The following FCHO2 variants were observed in gnomAD, a reference collection of about 807,000 sequenced individuals.
The protein encoded by FCHO2 is FCH and mu domain containing endocytic adaptor 2.
A neutral mutation model predicts 114.1 loss-of-function variants in FCHO2; 43 were observed. That is an observed-to-expected ratio of 0.38 (90% CI 0.30 to 0.49). The LOEUF (loss-of-function observed/expected upper bound fraction) is 0.49. Ranked by LOEUF, FCHO2 falls within the 20% of genes least tolerant of loss-of-function variation. The pLI, the probability that FCHO2 is intolerant of heterozygous loss-of-function variation, is 0.97. For missense variants in FCHO2, 807 were observed against 950.4 expected (o/e 0.85, Z 1.98); for synonymous variants, 293 against 315.2 (o/e 0.93, Z 0.75).
chr5:72,960,819 TTAC>T (rs1345751753), intron 1 of FCHO2, among the ~76,000 whole-genome samples: 3 of 152,160 alleles, frequency 2.0e-5, no homozygotes, highest in Non-Finnish European at 4.4e-5. Context: ...AATCTTCATT[TTAC>T]AGAGTAATCC....
chr5:72,968,224 A>G (rs1752312809), intron 1 of FCHO2, among the ~76,000 whole-genome samples: 1 of 152,198 alleles, frequency 6.6e-6, no homozygotes, highest in Admixed American at 6.5e-5. Flanking sequence ...ACACCCGGTC[A>G]CAACTTAATT....
At chr5:73,027,546 A>G (rs1030049522) in intron 8 of FCHO2, among the ~76,000 whole-genome samples, 9 of 152,126 alleles carry the variant, frequency 5.9e-5, no homozygotes, top group Non-Finnish European at 1.0e-4. Context: ...GAAGTTTTGT[A>G]GTTTAGAAGG....
At chr5:72,964,901 A>G (rs1167448686) in intron 1 of FCHO2, among the ~76,000 whole-genome samples, 1 of 152,006 alleles carries the variant, frequency 6.6e-6, no homozygotes, top group East Asian at 1.9e-4. Flanking sequence ...TTGAAATCTC[A>G]CTGTGTCCTG....
intron 1 of FCHO2, among the ~76,000 whole-genome samples, chr5:72,958,046 T>TC (rs1409889703): frequency 6.6e-6 from 1 of 151,898 alleles, no homozygotes; most frequent in East Asian, 1.9e-4. Flanking sequence ...TGTAAGAGTT[T>TC]TTTTTTTTTT....
intron 2 of FCHO2, among the ~76,000 whole-genome samples, chr5:72,970,782 GCT>G (rs1752501963): frequency 6.6e-6 from 1 of 151,588 alleles, no homozygotes; most frequent in Non-Finnish European, 1.5e-5. Context: ...CATGTGCCGT[GCT>G]GGTGCGCTGC....
chr5:73,084,333 T>C (rs1743220573), intron 24 of FCHO2, among the ~76,000 whole-genome samples: 2 of 152,204 alleles, frequency 1.3e-5, no homozygotes. Flanking sequence ...CGGCATGATC[T>C]TGGCTCACTG....
intron 1 of FCHO2, among the ~76,000 whole-genome samples, chr5:72,958,773 A>G (rs1434807188): frequency 6.6e-6 from 1 of 152,252 alleles, no homozygotes; most frequent in Non-Finnish European, 1.5e-5. Flanking sequence ...AAGAGCATTT[A>G]AAAATTGATG....
At chr5:73,069,710 G>T (rs1304926070) in intron 19 of FCHO2, among the ~76,000 whole-genome samples, 4 of 151,994 alleles carry the variant, frequency 2.6e-5, no homozygotes, top group African/African-American at 9.7e-5. Flanking sequence ...TGGCCTGGGG[G>T]TTGAGGATCC....
At chr5:73,056,991 A>T (rs532795783) in intron 16 of FCHO2, among the ~76,000 whole-genome samples, 1 of 151,548 alleles carries the variant, frequency 6.6e-6, no homozygotes, top group African/African-American at 2.4e-5. Flanking sequence ...ACAGGGTCTT[A>T]CTCTGTCTCT....
chr5:73,049,152 A>G (rs1757228656), intron 11 of FCHO2, among the ~76,000 whole-genome samples: 1 of 152,046 alleles, frequency 6.6e-6, no homozygotes, highest in Admixed American at 6.6e-5. Context: ...CTGGGATTAC[A>G]GGCGTGAGCC....
chr5:73,081,996 AC>A lies in FCHO2; in HGVS notation c.2180+15del. Reference sequence around the variant, plus strand: ...CCCTGCAATATGGTAAATTAAACATACGTTTCTGAATTCCCACTAAATTTTT... The same window carrying A: ...CCCTGCAATATGGTAAATTAAACATAGTTTCTGAATTCCCACTAAATTTTT... On this transcript the variant is annotated intron_variant, in intron 23 of 25. Transcript: ENST00000430046. 2 of 1,428,496 alleles carry A rather than the reference AC, an allele frequency of 1.4e-6. No homozygotes were observed. Among genetic ancestry groups the A allele is most frequent in the South Asian group, 1.7e-5 (1 of 60,306 alleles). The allele number at this position is 1,428,496 out of a possible 1,614,324, so 88.5% of individuals were successfully genotyped here. A position where few individuals can be genotyped will look rare whatever the true frequency, so the allele number is the denominator to read the frequency against.
intron 16 of FCHO2, among the ~76,000 whole-genome samples, chr5:73,057,836 C>G (rs1757667791): frequency 6.6e-6 from 1 of 152,088 alleles, no homozygotes; most frequent in South Asian, 2.1e-4. Flanking sequence ...ATTATGATAG[C>G]CCCCAAGGTG....
intron 8 of FCHO2, among the ~76,000 whole-genome samples, chr5:73,029,303 G>T (rs1756106002): frequency 6.6e-6 from 1 of 152,068 alleles, no homozygotes; most frequent in Non-Finnish European, 1.5e-5. Flanking sequence ...AGAAACAAGG[G>T]CTTTATCAGG....
At chr5:73,056,497 G>A (rs1436536989) in intron 16 of FCHO2, among the ~76,000 whole-genome samples, 1 of 151,860 alleles carries the variant, frequency 6.6e-6, no homozygotes, top group Non-Finnish European at 1.5e-5. Flanking sequence ...TTTTTTTCTA[G>A]AGTTTTATTA....
chr5:73,087,311 C>G (rs1743345144), intron 24 of FCHO2, among the ~76,000 whole-genome samples: 1 of 152,086 alleles, frequency 6.6e-6, no homozygotes, highest in Non-Finnish European at 1.5e-5. Flanking sequence ...TCCTTCTTCT[C>G]TTTTGACTCG....
chr5:73,083,187 G>A (rs1021039684), intron 24 of FCHO2, among the ~76,000 whole-genome samples: 4 of 151,862 alleles, frequency 2.6e-5, no homozygotes, highest in Non-Finnish European at 5.9e-5. Context: ...CCTGGCCATG[G>A]GTGCACCGTT....
intron 5 of FCHO2, among the ~76,000 whole-genome samples, chr5:72,998,098 G>A (rs1396616304): frequency 6.6e-6 from 1 of 152,084 alleles, no homozygotes; most frequent in Admixed American, 6.6e-5. Context: ...ACATGTATGG[G>A]GACAGTAAAC....
chr5:72,960,769 C>T (rs1300456219), intron 1 of FCHO2, among the ~76,000 whole-genome samples: 2 of 152,046 alleles, frequency 1.3e-5, no homozygotes, highest in Admixed American at 6.6e-5. Context: ...TAATGGGGGA[C>T]AAATAAGTAT....
At chr5:73,016,386 A>ATTTTAAATTGTTTAAATATTAAAAAAG (rs1755313772) in intron 7 of FCHO2, among the ~76,000 whole-genome samples, 2 of 138,340 alleles carry the variant, frequency 1.4e-5, no homozygotes, top group African/African-American at 5.4e-5. Context: ...ATTAAAAAAG[A>ATTTTAAATTGTTTAAATATTAAAAAAG]TTTTAAATTG....
Sources: gnomAD v4.1 joint callset for allele counts (sites outside exome capture counted in the v4.1 genomes callset) on GRCh38, gnomAD v4.1.1 for gene constraint, MANE v1.5 for transcripts, NCBI Gene and HGNC (gene_info 2026-07-23, HGNC 2026-07-21) for gene names.